ERC2: variants seen among roughly 807,000 people sequenced by gnomAD.
ERC2 encodes ELKS/RAB6-interacting/CAST family member 2.
In ERC2, 42 loss-of-function variants were observed where a neutral mutation model predicts 114.8. The ratio of observed to expected loss-of-function variants is 0.37; its 90% CI spans 0.29 to 0.47. The LOEUF is 0.47. Ranked by LOEUF, ERC2 falls within the 20% of genes least tolerant of loss-of-function variation. The pLI is 0.99. For missense variants in ERC2, 939 were observed against 1,150.7 expected (o/e 0.82, Z 2.66); for synonymous variants, 454 against 425.5 (o/e 1.07, Z -0.82).
At chr3:56,284,884 C>T (rs2054573662) in intron 3 of ERC2, among the ~76,000 whole-genome samples, 1 of 151,920 alleles carries the variant, frequency 6.6e-6, no homozygotes. Context: ...CCTACAGTTT[C>T]TGAGAGAGAA....
intron 3 of ERC2, among the ~76,000 whole-genome samples, chr3:56,248,528 G>A (rs1233214471): frequency 6.6e-6 from 1 of 152,162 alleles, no homozygotes; most frequent in Non-Finnish European, 1.5e-5. Flanking sequence ...AAATCAAACT[G>A]ATTTGTTACT....
chr3:55,575,184 T>G (rs2056912812), intron 17 of ERC2, among the ~76,000 whole-genome samples: 1 of 152,222 alleles, frequency 6.6e-6, no homozygotes, highest in South Asian at 2.1e-4. Context: ...CCAGCTAATT[T>G]TTTGGTATTT....
chr3:56,095,142 C>A (rs1046490770), intron 6 of ERC2, among the ~76,000 whole-genome samples: 2 of 152,148 alleles, frequency 1.3e-5, no homozygotes, highest in East Asian at 3.9e-4. Flanking sequence ...ATAGTCCCAA[C>A]TACTTGGGAG....
intron 3 of ERC2, among the ~76,000 whole-genome samples, chr3:56,179,550 C>T (rs1439883361): frequency 6.6e-6 from 1 of 151,602 alleles, no homozygotes; most frequent in Admixed American, 6.6e-5. Context: ...CATGATAGAA[C>T]CTTGGACCAT....
intron 7 of ERC2, among the ~76,000 whole-genome samples, chr3:56,077,371 C>G (rs1241311068): frequency 6.6e-6 from 1 of 152,142 alleles, no homozygotes; most frequent in African/African-American, 2.4e-5. Flanking sequence ...AAACATGAAA[C>G]ATTTCCAAAC....
intron 2 of ERC2, among the ~76,000 whole-genome samples, chr3:56,386,827 C>T (rs1364843456): frequency 1.3e-5 from 2 of 152,110 alleles, no homozygotes; most frequent in Non-Finnish European, 2.9e-5. Flanking sequence ...CAGCAAATGC[C>T]AGATATAACA....
intron 17 of ERC2, among the ~76,000 whole-genome samples, chr3:55,574,434 A>G (rs1321144771): frequency 6.6e-6 from 1 of 152,130 alleles, no homozygotes; most frequent in African/African-American, 2.4e-5. Context: ...CCTAGGAGGA[A>G]TGAGCTCTCT....
At chr3:55,656,828 G>A (rs373964661) in intron 17 of ERC2, among the ~76,000 whole-genome samples, 9 of 146,840 alleles carry the variant, frequency 6.1e-5, no homozygotes, top group African/African-American at 1.5e-4. Context: ...CCATAGACAC[G>A]GCCTCTAGGG....
At chr3:55,792,835 G>C (rs1378101785) in intron 14 of ERC2, among the ~76,000 whole-genome samples, 1 of 152,098 alleles carries the variant, frequency 6.6e-6, no homozygotes, top group Non-Finnish European at 1.5e-5. Context: ...TGTCTTCCAG[G>C]GAATAGAGAG....
At chr3:55,538,264 C>T (rs1424649417) in intron 17 of ERC2, among the ~76,000 whole-genome samples, 1 of 152,188 alleles carries the variant, frequency 6.6e-6, no homozygotes, top group Admixed American at 6.5e-5. Context: ...CAATGTCACC[C>T]ATCTCATTAA....
intron 7 of ERC2, among the ~76,000 whole-genome samples, chr3:56,027,501 T>G (rs1045206543): frequency 3.3e-5 from 5 of 152,202 alleles, no homozygotes; most frequent in Non-Finnish European, 7.3e-5. Flanking sequence ...GTATTTTTTA[T>G]TTTGGTAATT....
intron 17 of ERC2, among the ~76,000 whole-genome samples, chr3:55,629,160 A>G (rs1348515822): frequency 1.3e-5 from 2 of 152,160 alleles, no homozygotes; most frequent in Non-Finnish European, 2.9e-5. Context: ...TTACACTTGC[A>G]GTCTCCTGGG....
At chr3:56,171,346 A>G (rs543515893) in intron 4 of ERC2, among the ~76,000 whole-genome samples, 7 of 152,282 alleles carry the variant, frequency 4.6e-5, no homozygotes, top group Non-Finnish European at 8.8e-5. Flanking sequence ...CAATTTAGGT[A>G]TGTTGAGGAT....
chr3:56,037,069 G>T (rs1171664943), intron 7 of ERC2, among the ~76,000 whole-genome samples: 1 of 152,150 alleles, frequency 6.6e-6, no homozygotes, highest in East Asian at 1.9e-4. Context: ...TCAAGCAAAG[G>T]TAGATAAGCT....
intron 3 of ERC2, among the ~76,000 whole-genome samples, chr3:56,257,809 A>G (rs777860376): frequency 8.5e-5 from 13 of 152,246 alleles, no homozygotes; most frequent in Non-Finnish European, 1.6e-4. Context: ...AGCAATTCCC[A>G]GCATGTTAGT....
intron 8 of ERC2, among the ~76,000 whole-genome samples, chr3:56,017,960 T>A (rs552062613): frequency 2.6e-5 from 4 of 151,962 alleles, no homozygotes; most frequent in African/African-American, 4.8e-5. Context: ...AACACACACA[T>A]AGCATATGTT....
intron 17 of ERC2, among the ~76,000 whole-genome samples, chr3:55,588,099 C>T (rs2057689741): frequency 6.6e-6 from 1 of 152,218 alleles, no homozygotes; most frequent in African/African-American, 2.4e-5. Flanking sequence ...CTAGGCTGAA[C>T]CCAGAGCCTG....
intron 7 of ERC2, among the ~76,000 whole-genome samples, chr3:56,021,834 G>A (rs914285472): frequency 5.3e-5 from 8 of 152,238 alleles, no homozygotes; most frequent in South Asian, 2.1e-4. Context: ...TTGGTTTTCC[G>A]TTTCTGCGTT....
intron 3 of ERC2, among the ~76,000 whole-genome samples, chr3:56,227,501 C>T (rs768089400): frequency 2.2e-4 from 33 of 151,746 alleles, no homozygotes; most frequent in African/African-American, 7.5e-4. Flanking sequence ...CTGGATGTCA[C>T]GTTGTACCAA....
Sources: gnomAD v4.1 joint callset for allele counts (sites outside exome capture counted in the v4.1 genomes callset) on GRCh38, gnomAD v4.1.1 for gene constraint, MANE v1.5 for transcripts, NCBI Gene and HGNC (gene_info 2026-07-23, HGNC 2026-07-21) for gene names.